The following USP20 variants were observed in gnomAD, a reference collection of about 807,000 sequenced individuals.
USP20 encodes the protein ubiquitin carboxyl-terminal hydrolase 20.
Under a neutral mutation model 124.2 loss-of-function variants are expected in USP20, and 80 were observed. The ratio of observed to expected loss-of-function variants is 0.64; its 90% CI spans 0.54 to 0.78. The LOEUF (loss-of-function observed/expected upper bound fraction) is 0.78, where lower values mean the gene tolerates loss of function less well. Among genes scored for constraint, USP20 ranks in the 30% least tolerant of loss-of-function variants. The pLI, the probability that USP20 is intolerant of heterozygous loss-of-function variation, is 0.00. For synonymous variants in USP20, 481 were observed against 512.3 expected (o/e 0.94, Z 0.83); for missense variants, 1,043 against 1,244.4 (o/e 0.84, Z 2.44).
chr9:129,843,738 C>CA (rs1482666302), intron 1 of USP20, among the ~76,000 whole-genome samples: 2 of 150,868 alleles, frequency 1.3e-5, no homozygotes, highest in East Asian at 2.0e-4. Context: ...AACTCCATCT[C>CA]AAAAAAACAA....
chr9:129,865,732 A>G (rs1352256003), intron 10 of USP20, among the ~76,000 whole-genome samples: 1 of 152,004 alleles, frequency 6.6e-6, no homozygotes, highest in African/African-American at 2.4e-5. Flanking sequence ...TGGTGCAGTC[A>G]TGGCTTACTG....
intron 15 of USP20, 54 bp downstream of exon 15, chr9:129,870,601 A>C (rs2034074643): frequency 3.2e-6 from 5 of 1,579,434 alleles, no homozygotes; most frequent in Non-Finnish European, 3.5e-6. Flanking sequence ...GGGGACGGGG[A>C]TGTGCAGACC....
intron 1 of USP20, among the ~76,000 whole-genome samples, chr9:129,842,099 A>G (rs2032248563): frequency 1.3e-5 from 2 of 152,202 alleles, no homozygotes; most frequent in African/African-American, 4.8e-5. Context: ...AAGTCATTCA[A>G]CTTAGCGTTT....
At chr9:129,873,793 C>T in intron 17 of USP20, 49 bp downstream of exon 17, 3 of 1,594,760 alleles carry the variant, frequency 1.9e-6, no homozygotes, top group South Asian at 1.1e-5. Context: ...TCGGGATGCA[C>T]ACCAGCACAC....
chr9:129,847,189 C>T (rs942620023), intron 1 of USP20, among the ~76,000 whole-genome samples: 20 of 151,976 alleles, frequency 1.3e-4, no homozygotes, highest in African/African-American at 4.6e-4. Context: ...TACTATTTTA[C>T]AGTTCTTGAG....
chr9:129,875,685 C>T (rs780450486), intron 21 of USP20, 44 bp downstream of exon 21: 1 of 1,584,416 alleles, frequency 6.3e-7, no homozygotes, highest in East Asian at 2.2e-5. Flanking sequence ...TGTCCAGGGC[C>T]CAGCTGGGCA....
intron 1 of USP20, among the ~76,000 whole-genome samples, chr9:129,841,070 C>T (rs971074662): frequency 1.7e-4 from 26 of 152,338 alleles, no homozygotes; most frequent in African/African-American, 6.0e-4. Context: ...CACTCCCGGC[C>T]TAGAAACTTT....
intron 22 of USP20, 130 bp from the exon 23 acceptor site, chr9:129,878,208 C>A: frequency 1.4e-6 from 1 of 723,398 alleles, no homozygotes; most frequent in Non-Finnish European, 2.4e-6. Context: ...GATTTTTCAC[C>A]TTGAGTATCT....
intron 14 of USP20, 21 bp from the exon 15 acceptor site, chr9:129,870,432 G>A: frequency 8.7e-6 from 14 of 1,612,544 alleles, no homozygotes; most frequent in Non-Finnish European, 1.1e-5. Context: ...CAGCACCCCT[G>A]CACTCCTTTT....
At chr9:129,860,026 A>G (rs773306036) in intron 6 of USP20, among the ~76,000 whole-genome samples, 3 of 150,038 alleles carry the variant, frequency 2.0e-5, no homozygotes, top group South Asian at 2.1e-4. Context: ...GCAAGACTCT[A>G]TCTCTTAAAA....
At chr9:129,876,682 G>A (rs566269759) in intron 22 of USP20, among the ~76,000 whole-genome samples, 5 of 151,938 alleles carry the variant, frequency 3.3e-5, no homozygotes, top group Admixed American at 2.6e-4. Context: ...AGTCTTCTGC[G>A]GGGAACTAGA....
At position 129,856,369 on chromosome 9, in the gene USP20, C is replaced by A; in HGVS notation, c.135+9C>A. ...TATGGGCCTGTCTGCAGGTAAAAGA[C>A]CCTTGTGGCCATCAGGGGTGTAGAG... On this transcript the variant is annotated intron_variant, in intron 4 of 25. Transcript: ENST00000372429. The A allele has an allele frequency of 6.2e-7, 1 of 1,614,082 alleles. No homozygotes were observed. Among genetic ancestry groups the A allele is most frequent in the South Asian group, 1.1e-5 (1 of 91,088 alleles).
In USP20 at chr9:129,868,455, A is replaced by G; in HGVS notation, c.1135+6A>G. The G allele has an allele frequency of 6.2e-7, 1 of 1,608,146 alleles. No homozygotes were observed. The highest frequency in any genetic ancestry group is 1.3e-5 in the African/African-American group (1 of 74,936). On this transcript the variant is annotated splice_donor_region_variant and intron_variant, in intron 11 of 25. Transcript: ENST00000372429. ...CAGCCCCTGCCGGACGCCAGGTATC[A>G]GCTGGCCGGGGACTGCGGGAGGAAC...
chr9:129,867,925 G>C, intron 10 of USP20, 80 bp from the exon 11 acceptor site: 1 of 1,503,452 alleles, frequency 6.7e-7, no homozygotes, highest in Non-Finnish European at 8.9e-7. Context: ...GGAGGCTGGC[G>C]CTCTCATCAG....
intron 9 of USP20, among the ~76,000 whole-genome samples, chr9:129,864,114 AAAAC>A (rs1194111914): frequency 1.3e-5 from 2 of 151,280 alleles, no homozygotes; most frequent in African/African-American, 4.9e-5. Flanking sequence ...CAAAAAAAAA[AAAAC>A]AAAAACAAAA....
At chr9:129,854,823 G>T (rs1399455555) in intron 3 of USP20, among the ~76,000 whole-genome samples, 2 of 151,738 alleles carry the variant, frequency 1.3e-5, no homozygotes, top group Non-Finnish European at 2.9e-5. Context: ...CAGCTTCATC[G>T]TATGGGACAA....
At chr9:129,875,809 C>T (rs978092694) in intron 21 of USP20, among the ~76,000 whole-genome samples, 168 bp downstream of exon 21, 1 of 147,146 alleles carries the variant, frequency 6.8e-6, no homozygotes, top group Non-Finnish European at 1.5e-5. Context: ...TGACACATGT[C>T]GTTTGTGGGA....
Position 129,863,302 on chromosome 9 carries a change from G to A in USP20, c.611+3G>A, listed in dbSNP as rs2033646161. ...TCTGAGGTCTGGCATAAGAAACGGT[G>A]AGCAGCTGCATCCCTAGCCTTGGGC... On this transcript the variant is annotated splice_donor_region_variant and intron_variant, in intron 9 of 25. Transcript: ENST00000372429. 6.5e-7 allele frequency: 1 copy of A among 1,542,314 alleles called. No individual in the cohort carries two copies. The highest frequency in any genetic ancestry group is 1.2e-5 in the South Asian group (1 of 83,478).
At chr9:129,869,289 A>G in intron 12 of USP20, 21 bp from the exon 13 acceptor site, 1 of 1,607,026 alleles carries the variant, frequency 6.2e-7, no homozygotes, top group South Asian at 1.1e-5. Flanking sequence ...AGGCTGGGCT[A>G]GTCCTGTGCT....
Sources: gnomAD v4.1 joint callset for allele counts (sites outside exome capture counted in the v4.1 genomes callset) on GRCh38, gnomAD v4.1.1 for gene constraint, MANE v1.5 for transcripts, NCBI Gene and HGNC (gene_info 2026-07-23, HGNC 2026-07-21) for gene names.